TCF7L1: variants seen among roughly 807,000 people sequenced by gnomAD.
The protein encoded by TCF7L1 is transcription factor 7-like 1.
Under a neutral mutation model 63.7 loss-of-function variants are expected in TCF7L1, and 18 were observed. The observed-to-expected ratio is 0.28, with a 90% CI of 0.20 to 0.42. The LOEUF (loss-of-function observed/expected upper bound fraction) is 0.42, where lower values mean the gene tolerates loss of function less well. Among genes scored for constraint, TCF7L1 ranks in the 10% least tolerant of loss-of-function variants. The pLI is 1.00. For missense variants in TCF7L1, 654 were observed against 779.3 expected, an observed-to-expected ratio of 0.84 and a Z score of 1.91; for synonymous variants, 355 against 340.9, an observed-to-expected ratio of 1.04 and a Z score of -0.46.
chr2:85,181,470 G>A (rs1397850737), intron 3 of TCF7L1, among the ~76,000 whole-genome samples: 1 of 152,176 alleles, frequency 6.6e-6, no homozygotes, highest in Non-Finnish European at 1.5e-5. Context: ...GAAGCAAGTA[G>A]CCCGGAGGAA....
intron 4 of TCF7L1, among the ~76,000 whole-genome samples, chr2:85,291,137 T>C (rs1038764748): frequency 6.6e-6 from 1 of 152,204 alleles, no homozygotes; most frequent in Non-Finnish European, 1.5e-5. Flanking sequence ...ACAGCCCCAG[T>C]CTCATTATCT....
chr2:85,309,433 CT>C lies in TCF7L1; in HGVS notation c.1741del (p.Ser581ProfsTer22). The C allele has an allele frequency of 6.5e-7, 1 of 1,542,450 alleles. No individual in the cohort carries two copies. On this transcript the variant is annotated frameshift_variant, in exon 12 of 12. Transcript: ENST00000282111. LOFTEE classifies it high-confidence loss of function. The part of the protein sequence containing the change: ...QALPVLQAQP[L>X]SLVTKSAH ...CCTCCCGGTGCTACAGGCCCAGCCT[CT>C]TTCCCTGGTCACCAAGTCTGCCCAC...
chr2:85,253,704 C>G (rs923458455), intron 3 of TCF7L1, among the ~76,000 whole-genome samples: 1 of 152,230 alleles, frequency 6.6e-6, no homozygotes, highest in Non-Finnish European at 1.5e-5. Context: ...TAAAAGAAAT[C>G]TTCCTCCTTT....
At chr2:85,166,306 C>T (rs1678417932) in intron 3 of TCF7L1, among the ~76,000 whole-genome samples, 1 of 152,228 alleles carries the variant, frequency 6.6e-6, no homozygotes, top group African/African-American at 2.4e-5. Context: ...CCTCTTGCTT[C>T]ACAGGCACAA....
At chr2:85,256,248 G>A (rs965162749) in intron 3 of TCF7L1, among the ~76,000 whole-genome samples, 4 of 146,122 alleles carry the variant, frequency 2.7e-5, no homozygotes, top group South Asian at 2.4e-4. Flanking sequence ...GCGTCCGCGC[G>A]CCGAAGGCTG....
chr2:85,211,425 C>G (rs935416844), intron 3 of TCF7L1, among the ~76,000 whole-genome samples: 9 of 152,182 alleles, frequency 5.9e-5, no homozygotes, highest in Admixed American at 3.3e-4. Flanking sequence ...CTCAACAGGT[C>G]ATTATGAGGA....
At chr2:85,304,684 C>G (rs12714139) in intron 7 of TCF7L1, among the ~76,000 whole-genome samples, 1 of 152,090 alleles carries the variant, frequency 6.6e-6, no homozygotes. Context: ...CACAACTTTC[C>G]CCTTAGAATA....
intron 3 of TCF7L1, among the ~76,000 whole-genome samples, chr2:85,151,106 A>T (rs1311660028): frequency 6.6e-6 from 1 of 152,176 alleles, no homozygotes; most frequent in African/African-American, 2.4e-5. Flanking sequence ...TATAGTCTTT[A>T]TTATGTCTGG....
chr2:85,227,296 T>C (rs572726013), intron 3 of TCF7L1, among the ~76,000 whole-genome samples: 144 of 152,278 alleles, frequency 9.5e-4, no homozygotes, highest in African/African-American at 3.4e-3. Context: ...TAAAGGAGCC[T>C]CCCTCTCCCT....
intron 3 of TCF7L1, among the ~76,000 whole-genome samples, chr2:85,236,605 A>G (rs139710338): frequency 4.1e-4 from 62 of 152,200 alleles, no homozygotes; most frequent in African/African-American, 1.5e-3. Context: ...CCCATAAGGT[A>G]AGTCAGGTAA....
At chr2:85,268,753 C>T (rs1681071685) in intron 3 of TCF7L1, among the ~76,000 whole-genome samples, 1 of 136,834 alleles carries the variant, frequency 7.3e-6, no homozygotes, top group Admixed American at 8.0e-5. Flanking sequence ...GGATGCCTTT[C>T]TGAAGCGGCA....
At chr2:85,276,754 C>T (rs914931479) in intron 3 of TCF7L1, among the ~76,000 whole-genome samples, 1 of 152,076 alleles carries the variant, frequency 6.6e-6, no homozygotes, top group African/African-American at 2.4e-5. Context: ...TCATGATTGC[C>T]GGGTTCTGGG....
intron 3 of TCF7L1, among the ~76,000 whole-genome samples, chr2:85,178,692 TCTACGGC>T: frequency 6.6e-6 from 1 of 152,344 alleles, no homozygotes; most frequent in Admixed American, 6.5e-5. Context: ...AATTGACCTT[TCTACGGC>T]CTAGAATCTG....
intron 3 of TCF7L1, among the ~76,000 whole-genome samples, chr2:85,247,399 A>G (rs1680490988): frequency 1.3e-5 from 2 of 152,164 alleles, no homozygotes; most frequent in Non-Finnish European, 2.9e-5. Context: ...GCTAAGTTAG[A>G]CCCTAGTCCG....
At chr2:85,221,022 T>G (rs1398917249) in intron 3 of TCF7L1, among the ~76,000 whole-genome samples, 1 of 152,240 alleles carries the variant, frequency 6.6e-6, no homozygotes, top group Non-Finnish European at 1.5e-5. Flanking sequence ...TGAAGACCAT[T>G]AGAGACCCAA....
chr2:85,179,799 C>T (rs140735961), intron 3 of TCF7L1, among the ~76,000 whole-genome samples: 3 of 152,152 alleles, frequency 2.0e-5, no homozygotes, highest in Non-Finnish European at 4.4e-5. Context: ...GCATTTTCCA[C>T]GGCAAGTGCA....
chr2:85,222,811 G>A (rs1297533429), intron 3 of TCF7L1, among the ~76,000 whole-genome samples: 1 of 151,822 alleles, frequency 6.6e-6, no homozygotes, highest in East Asian at 1.9e-4. Context: ...CATAATATTA[G>A]AAAATTATTG....
intron 3 of TCF7L1, among the ~76,000 whole-genome samples, chr2:85,209,747 A>G (rs992812444): frequency 6.6e-6 from 1 of 152,140 alleles, no homozygotes; most frequent in Non-Finnish European, 1.5e-5. Flanking sequence ...CACCCAGGCA[A>G]TGGGGAGCGA....
At chr2:85,270,026 C>T (rs1681112481) in intron 3 of TCF7L1, among the ~76,000 whole-genome samples, 1 of 152,194 alleles carries the variant, frequency 6.6e-6, no homozygotes, top group African/African-American at 2.4e-5. Flanking sequence ...TCCCGGTGCC[C>T]AGGAGTTGTT....
Sources: allele counts gnomAD v4.1 joint callset (sites outside exome capture counted in the v4.1 genomes callset), GRCh38; gene constraint gnomAD v4.1.1; transcripts MANE v1.5; gene names NCBI Gene and HGNC (gene_info 2026-07-23, HGNC 2026-07-21).